Variants in TRPM8 observed in about 807,000 individuals in gnomAD.
TRPM8 encodes transient receptor potential cation channel subfamily M member 8, also known as TRPM8 cationic channel.
TRPM8 carries 110 observed loss-of-function variants against 133.7 expected under a neutral mutation model. The observed-to-expected ratio is 0.82, with a 90% CI of 0.70 to 0.96. TRPM8 has a LOEUF of 0.96. TRPM8 is among the 40% of genes least tolerant of loss of function. The pLI is 0.00. For synonymous variants in TRPM8, 535 were observed against 532.3 expected (o/e 1.01, Z -0.07); for missense variants, 1,291 against 1,379.5 (o/e 0.94, Z 1.02).
chr2:233,997,035 C>A (rs189207868), intron 22 of TRPM8, among the ~76,000 whole-genome samples: 1 of 152,174 alleles, frequency 6.6e-6, no homozygotes. Context: ...GAGGCCTAGG[C>A]GGGCGGATTG....
chr2:233,938,927 G>C (rs899597820), intron 4 of TRPM8, 71 bp from the exon 5 acceptor site: 6 of 1,528,828 alleles, frequency 3.9e-6, no homozygotes, highest in African/African-American at 1.4e-5. Flanking sequence ...TTGGAAGTTG[G>C]GAGGGAATGC....
In TRPM8 at chr2:233,961,007, C is replaced by T. The variant is rs201718525; in HGVS notation, c.1594C>T (p.Arg532Ter). The T allele has an allele frequency of 1.8e-5, 29 of 1,614,010 alleles. No homozygotes were observed. The highest frequency in any genetic ancestry group is 2.2e-5 in the South Asian group (2 of 91,078). Residue 532 changes from arginine to a stop codon, truncating the protein, a stop_gained, in exon 12 of 26, where the codon CGA becomes TGA. Transcript: ENST00000324695. LOFTEE classifies it high-confidence loss of function. ...TFVWKLVANF[R>*]RGFRKEDRNG... ...TGTCTGGAAACTGGTTGCGAACTTC[C>T]GAAGAGGCTTCCGGAAGGAAGACAG...
intron 22 of TRPM8, among the ~76,000 whole-genome samples, chr2:233,999,013 C>G (rs1692480538): frequency 4.6e-5 from 7 of 152,050 alleles, no homozygotes; most frequent in Admixed American, 4.6e-4. Context: ...CAGTTTCCTT[C>G]TTGTGAAAAA....
intron 8 of TRPM8, among the ~76,000 whole-genome samples, chr2:233,949,013 G>C (rs1691110636): frequency 6.6e-6 from 1 of 152,184 alleles, no homozygotes; most frequent in Non-Finnish European, 1.5e-5. Context: ...CAGCCTGGGA[G>C]ACAGAGCAAG....
intron 24 of TRPM8, among the ~76,000 whole-genome samples, chr2:234,009,115 G>A (rs917410729): frequency 1.3e-5 from 2 of 152,104 alleles, no homozygotes; most frequent in African/African-American, 2.4e-5. Context: ...CCCATGCAAG[G>A]GAAGGCTCGG....
chr2:233,948,058 C>T lies in TRPM8; in HGVS notation c.942+903C>T, dbSNP rs368753902. Among the ~76,000 whole-genome samples, 18 of 152,264 alleles carry T rather than the reference C, an allele frequency of 1.2e-4. 1 individual carries two copies. Among genetic ancestry groups the T allele is most frequent in the East Asian group, 9.6e-4 (5 of 5,186 alleles). On this transcript the variant is annotated intron_variant, in intron 8 of 25. Transcript: ENST00000324695. Reference sequence around the variant, plus strand: ...TTAACTCATCTTTTTCATGAATTTCCGCAATGATTTGCATATTCCTCCTTT... The same window carrying T: ...TTAACTCATCTTTTTCATGAATTTCTGCAATGATTTGCATATTCCTCCTTT...
At chr2:233,925,152 A>C (rs1691490621) in intron 1 of TRPM8, among the ~76,000 whole-genome samples, 1 of 152,192 alleles carries the variant, frequency 6.6e-6, no homozygotes, top group Admixed American at 6.5e-5. Flanking sequence ...GAGTTATAAC[A>C]GGTGACGTGG....
At chr2:233,971,248 G>T (rs1265223163) in intron 17 of TRPM8, among the ~76,000 whole-genome samples, 6 of 152,200 alleles carry the variant, frequency 3.9e-5, no homozygotes, top group Non-Finnish European at 8.8e-5. Context: ...TCTGGAGGGG[G>T]CAAAGAGTGC....
chr2:233,930,300 A>G (rs939616765), intron 2 of TRPM8, among the ~76,000 whole-genome samples: 2 of 152,222 alleles, frequency 1.3e-5, no homozygotes, highest in African/African-American at 4.8e-5. Context: ...TTAAACAGCA[A>G]GGATAAGAGG....
At chr2:234,013,702 CT>C (rs1471936180) in intron 24 of TRPM8, 1 of 152,098 alleles carries the variant, frequency 6.6e-6, no homozygotes, top group Admixed American at 6.5e-5. Flanking sequence ...ATACAAGGCT[CT>C]TTCAAAAGCT....
rs368897363 is a variant in TRPM8 at position 233,960,467 on chromosome 2, C to T, written c.1363-309C>T. ...CATACTGGGGAAAATTTTTGACCAA[C>T]ATTATCTCTACATGGGTGTATTTAT... On this transcript the variant is annotated intron_variant, in intron 11 of 25. Coordinates refer to ENST00000324695, the MANE Select transcript of TRPM8 (RefSeq NM_024080.5). Among the ~76,000 whole-genome samples, 4 of 152,234 alleles carry T rather than the reference C, an allele frequency of 2.6e-5. No homozygotes were observed. The East Asian group carries it at 5.8e-4, about 22-fold the overall frequency.
In TRPM8 at chr2:233,970,220, G is replaced by T. The variant is rs1386515027; in HGVS notation, c.2149G>T (p.Val717Phe). Residue 717 changes from valine to phenylalanine, a missense_variant, in exon 17 of 26, where the codon GTC becomes TTC. Transcript: ENST00000324695. Reference sequence around the variant, plus strand: ...TATCTCTGGGTCCAGGAAGAAACCTGTCGACAAGCACAAGAAGCTGCTTTG... The same window carrying T: ...TATCTCTGGGTCCAGGAAGAAACCTTTCGACAAGCACAAGAAGCTGCTTTG... ...CGFVSFRKKPVDKHKKLLWYY... is the reference protein window; with the variant it reads ...CGFVSFRKKPFDKHKKLLWYY... 6.2e-6 allele frequency: 10 copies of T among 1,614,148 alleles called. No individual in the cohort carries two copies. Among genetic ancestry groups the T allele is most frequent in the Non-Finnish European group, 8.5e-6 (10 of 1,180,010 alleles).
intron 18 of TRPM8, among the ~76,000 whole-genome samples, chr2:233,981,052 A>C (rs527443047): frequency 6.6e-6 from 1 of 152,336 alleles, no homozygotes; most frequent in South Asian, 2.1e-4. Flanking sequence ...TCAATTTTTT[A>C]AAAAATATAA....
At chr2:233,981,672 T>G (rs904133875) in intron 18 of TRPM8, 102 bp from the exon 19 acceptor site, 6 of 1,265,032 alleles carry the variant, frequency 4.7e-6, no homozygotes, top group Non-Finnish European at 6.5e-6. Flanking sequence ...CACTCAACCT[T>G]CCAGCTCTTG....
intron 8 of TRPM8, among the ~76,000 whole-genome samples, chr2:233,948,091 C>A (rs555378259): frequency 6.6e-6 from 1 of 152,280 alleles, no homozygotes; most frequent in Non-Finnish European, 1.5e-5. Flanking sequence ...TTTTACCCAT[C>A]CTATTTTACC....
At chr2:234,007,742 A>T (rs557161121) in intron 23 of TRPM8, among the ~76,000 whole-genome samples, 2 of 152,324 alleles carry the variant, frequency 1.3e-5, no homozygotes, top group East Asian at 1.9e-4. Context: ...AACAACAGAG[A>T]TGATGTCATA....
In TRPM8 at chr2:233,983,119, CA is replaced by C; in HGVS notation, c.2658del (p.Ile888SerfsTer138). The C allele has an allele frequency of 6.2e-7, 1 of 1,614,136 alleles. No homozygotes were observed. Among genetic ancestry groups the C allele is most frequent in the Non-Finnish European group, 8.5e-7 (1 of 1,180,010 alleles). On this transcript the variant is annotated frameshift_variant, in exon 20 of 26. Transcript: ENST00000324695. LOFTEE classifies it high-confidence loss of function. Reference protein sequence around the residue: ...VWMVAFGVARQGILRQNEQRW... With the variant: ...VWMVAFGVARXGILRQNEQRW... ...GATGGTGGCCTTTGGCGTGGCCAGGCAAGGGATCCTTAGGCAGAATGAGCAG... is the reference window on the plus strand; with the variant it reads ...GATGGTGGCCTTTGGCGTGGCCAGGCAGGGATCCTTAGGCAGAATGAGCAG...
chr2:233,991,846 A>G (rs914645004), intron 21 of TRPM8, among the ~76,000 whole-genome samples: 4 of 152,202 alleles, frequency 2.6e-5, no homozygotes, highest in African/African-American at 7.2e-5. Context: ...AATTGTACAG[A>G]GGAGCCTAAG....
At chr2:233,940,616 C>T (rs1309341824) in intron 5 of TRPM8, among the ~76,000 whole-genome samples, 1 of 152,186 alleles carries the variant, frequency 6.6e-6, no homozygotes, top group South Asian at 2.1e-4. Flanking sequence ...TTCATTGTTG[C>T]TAGTTGTCCA....
Sources: gnomAD v4.1 joint callset for allele counts (sites outside exome capture counted in the v4.1 genomes callset) on GRCh38, gnomAD v4.1.1 for gene constraint, MANE v1.5 for transcripts, NCBI Gene and HGNC (gene_info 2026-07-23, HGNC 2026-07-21) for gene names.